Variants in TEX11 observed in about 807,000 individuals in gnomAD.
TEX11 encodes the protein testis expressed 11.
TEX11 carries 7 observed loss-of-function variants against 84.4 expected under a neutral mutation model. That is an observed-to-expected ratio of 0.08 (90% CI 0.05 to 0.16). The LOEUF is 0.16. TEX11 is among the 10% of genes least tolerant of loss of function. TEX11 has a pLI of 1.00. For synonymous variants in TEX11, 264 were observed against 222.8 expected, an observed-to-expected ratio of 1.18 and a Z score of -1.64; for missense variants, 551 against 660.5, an observed-to-expected ratio of 0.83 and a Z score of 1.82.
intron 28 of TEX11, among the ~76,000 whole-genome samples, chrX:70,551,666 G>A (rs554685806): frequency 6.3e-5 from 7 of 111,801 alleles, no homozygotes; most frequent in African/African-American, 2.3e-4. Context: ...TATACCTCAA[G>A]AAACCTAATT....
At chrX:70,585,023 C>G (rs756983667) in intron 25 of TEX11, among the ~76,000 whole-genome samples, 1 of 111,773 alleles carries the variant, frequency 8.9e-6, no homozygotes, top group Non-Finnish European at 1.9e-5. Flanking sequence ...CAACATTGTA[C>G]GGGAAGTTTT....
At chrX:70,687,172 A>G (rs1356634519) in intron 13 of TEX11, among the ~76,000 whole-genome samples, 2 of 111,505 alleles carry the variant, frequency 1.8e-5, no homozygotes, top group East Asian at 5.6e-4. Context: ...ACAGAGACAC[A>G]CACACAGACA....
rs769779243 is a variant in TEX11 at position 70,767,018 on chromosome X, A to G, written c.693-22799T>C. Among the ~76,000 whole-genome samples the G allele has an allele frequency of 3.6e-5, 4 of 112,272 alleles. No homozygotes were observed. The East Asian group carries it at 1.1e-3, about 31-fold the overall frequency. On this transcript the variant is annotated intron_variant, in intron 9 of 29. Coordinates refer to ENST00000374333, the MANE Select transcript of TEX11 (RefSeq NM_031276.3). ...CTCCTCAAACTATGAAACTACTACA[A>G]GAAAACATTGGAGAAAATCTCTATA...
At chrX:70,872,714 A>G (rs887465409) in intron 4 of TEX11, among the ~76,000 whole-genome samples, 3 of 112,129 alleles carry the variant, frequency 2.7e-5, no homozygotes, top group Non-Finnish European at 5.6e-5. Flanking sequence ...TTGCTCTCAC[A>G]GGTAGAAATC....
At chrX:70,514,740 T>C in the TEX11 span, among the ~76,000 whole-genome samples, 1 of 110,514 alleles carries the variant, frequency 9.0e-6, no homozygotes, top group Non-Finnish European at 1.9e-5. Context: ...TGAGGGACTT[T>C]GCTCAGAGTT....
intron 9 of TEX11, among the ~76,000 whole-genome samples, chrX:70,770,512 C>A (rs1392315639): frequency 9.0e-6 from 1 of 110,840 alleles, no homozygotes; most frequent in Non-Finnish European, 1.9e-5. Context: ...ACCAGCATGG[C>A]ACATGTATAC....
chrX:70,839,009 G>A (rs777540255), intron 7 of TEX11, among the ~76,000 whole-genome samples: 91 of 112,665 alleles, frequency 8.1e-4, no homozygotes, highest in African/African-American at 2.8e-3. Context: ...GAACTGGGTG[G>A]AGCCCACCAC....
At chrX:70,620,933 G>A (rs988634852) in intron 20 of TEX11, among the ~76,000 whole-genome samples, 1 of 111,691 alleles carries the variant, frequency 9.0e-6, no homozygotes, top group African/African-American at 3.3e-5. Context: ...ATGAATAGGT[G>A]GAGCACAGAG....
intron 7 of TEX11, among the ~76,000 whole-genome samples, chrX:70,836,216 A>C (rs1228134747): frequency 9.0e-6 from 1 of 111,460 alleles, no homozygotes; most frequent in Non-Finnish European, 1.9e-5. Context: ...TTTTTGCAGA[A>C]ATTAACATGC....
In TEX11 at chrX:70,785,473, C is replaced by A. The variant is rs750981412; in HGVS notation, c.692+21232G>T. ...AAAAGCCAAAATTGACAAATGGGATCTAATTAAACTAAAGAGCTTCTGCAC... is the reference window on the plus strand; with the variant it reads ...AAAAGCCAAAATTGACAAATGGGATATAATTAAACTAAAGAGCTTCTGCAC... On this transcript the variant is annotated intron_variant, in intron 9 of 29. Transcript: ENST00000374333. Among the ~76,000 whole-genome samples, 46 of 111,888 alleles carry A rather than the reference C, an allele frequency of 4.1e-4. No individual in the cohort carries two copies. The Admixed American group carries it at 4.3e-3, about 10-fold the overall frequency.
chrX:70,532,761 C>T (rs1013783404), intron 28 of TEX11, among the ~76,000 whole-genome samples: 7 of 104,212 alleles, frequency 6.7e-5, no homozygotes, highest in South Asian at 4.3e-4. Flanking sequence ...AATAAAGGCC[C>T]GGCGTGGTGG....
At chrX:70,788,973 T>TATAG (rs1211700739) in intron 9 of TEX11, among the ~76,000 whole-genome samples, 13 of 9,558 alleles carry the variant, frequency 1.4e-3, no homozygotes, top group Admixed American at 2.2e-3. Context: ...TATATATATA[T>TATAG]AGAGAGAGAG....
chrX:70,897,142 A>C (rs1360471662), intron 2 of TEX11, among the ~76,000 whole-genome samples: 5 of 30,617 alleles, frequency 1.6e-4, no homozygotes, highest in African/African-American at 3.1e-4. Context: ...AAAAATAGAT[A>C]TATATTATAT....
At chrX:70,612,447 G>A (rs1015747560) in intron 20 of TEX11, among the ~76,000 whole-genome samples, 9 of 111,323 alleles carry the variant, frequency 8.1e-5, no homozygotes, top group Non-Finnish European at 1.3e-4. Flanking sequence ...GCATGCAAGG[G>A]CAGATCAGCA....
intron 9 of TEX11, among the ~76,000 whole-genome samples, chrX:70,803,157 A>G (rs1053540904): frequency 3.6e-5 from 4 of 112,028 alleles, no homozygotes; most frequent in Admixed American, 9.5e-5. Context: ...CAAACAAAAA[A>G]ACTCTTAAAT....
chrX:70,778,652 T>TTTTG (rs773538327), intron 9 of TEX11, among the ~76,000 whole-genome samples: 3 of 111,028 alleles, frequency 2.7e-5, no homozygotes, highest in African/African-American at 6.6e-5. Flanking sequence ...TGTTTTTGTT[T>TTTTG]TTTGTTTGTT....
chrX:70,702,687 CT>C (rs142991358), intron 13 of TEX11, among the ~76,000 whole-genome samples: 11,869 of 111,351 alleles, frequency 0.11, 538 homozygotes, highest in Middle Eastern at 0.19. Context: ...ACAGTCACAT[CT>C]ACTTCTCTCC....
At chrX:70,638,054 T>G (rs2089597310) in intron 17 of TEX11, among the ~76,000 whole-genome samples, 1 of 109,856 alleles carries the variant, frequency 9.1e-6, no homozygotes, top group South Asian at 3.9e-4. Context: ...AAAAGAGATA[T>G]GAAGGTCTGG....
chrX:70,850,801 G>A (rs916096726), intron 7 of TEX11, among the ~76,000 whole-genome samples: 4 of 110,061 alleles, frequency 3.6e-5, no homozygotes, highest in Non-Finnish European at 7.6e-5. Flanking sequence ...CAGGCATGGT[G>A]GCTCACGCCT....
Sources: allele counts gnomAD v4.1 joint callset (sites outside exome capture counted in the v4.1 genomes callset), GRCh38; gene constraint gnomAD v4.1.1; transcripts MANE v1.5; gene names NCBI Gene and HGNC (gene_info 2026-07-23, HGNC 2026-07-21).